STPG2: variants seen among roughly 807,000 people sequenced by gnomAD.
STPG2 encodes sperm tail PG-rich repeat containing 2.
STPG2 carries 56 observed loss-of-function variants against 54.2 expected under a neutral mutation model. That is an observed-to-expected ratio of 1.03 (90% CI 0.83 to 1.29). The LOEUF (loss-of-function observed/expected upper bound fraction) is 1.29, where lower values mean the gene tolerates loss of function less well. Ranked by LOEUF, STPG2 falls within the 50% of genes most tolerant of loss-of-function variation. The probability of loss-of-function intolerance (pLI) is 0.00; values close to 1 mark genes in which losing one functional copy is unlikely to be tolerated. For missense variants in STPG2, 596 were observed against 544.9 expected (o/e 1.09, Z -0.93); for synonymous variants, 200 against 181.8 (o/e 1.10, Z -0.81).
chr4:97,979,453 G>C (rs1007938597), intron 6 of STPG2, among the ~76,000 whole-genome samples: 4 of 152,116 alleles, frequency 2.6e-5, no homozygotes, highest in African/African-American at 4.8e-5. Context: ...TGTCTGATCT[G>C]ATTATCCTAT....
intron 5 of STPG2, among the ~76,000 whole-genome samples, chr4:98,046,591 G>C (rs1434434038): frequency 6.6e-6 from 1 of 152,108 alleles, no homozygotes; most frequent in Non-Finnish European, 1.5e-5. Context: ...AGCCCATTCA[G>C]TGCCCCTAGA....
intron 3 of STPG2, among the ~76,000 whole-genome samples, chr4:98,114,566 T>A (rs1387648616): frequency 6.6e-6 from 1 of 152,078 alleles, no homozygotes; most frequent in East Asian, 1.9e-4. Context: ...TTGTATTAAC[T>A]CTTTTAATGC....
chr4:97,539,613 T>A (rs560025080), intron 4 of STPG2, among the ~76,000 whole-genome samples: 1 of 152,302 alleles, frequency 6.6e-6, no homozygotes, highest in Admixed American at 6.5e-5. Context: ...AACACCCCAC[T>A]GTCAACATTA....
rs766811104 is a variant in STPG2, at chr4:97,712,683, G to A, written c.1320+16C>T. On this transcript the variant is annotated intron_variant, in intron 10 of 10. Coordinates refer to ENST00000295268, the MANE Select transcript of STPG2 (RefSeq NM_174952.3). ...TCTATTCTTGTGTCACTGTTAAGAA[G>A]GAAATATTGACAAACCTCATATGTT... The A allele has an allele frequency of 1.3e-6, 2 of 1,522,030 alleles. No individual in the cohort carries two copies. Among genetic ancestry groups the A allele is most frequent in the Non-Finnish European group, 1.8e-6 (2 of 1,123,078 alleles). The allele number at this position is 1,522,030 out of a possible 1,614,324, so 94.3% of individuals were successfully genotyped here. A position where few individuals can be genotyped will look rare whatever the true frequency, so the allele number is the denominator to read the frequency against.
chr4:98,133,790 G>T (rs900017146), intron 2 of STPG2, among the ~76,000 whole-genome samples: 1 of 152,042 alleles, frequency 6.6e-6, no homozygotes, highest in African/African-American at 2.4e-5. Context: ...GCTGGGATCA[G>T]CTAGGAGCCA....
intron 9 of STPG2, among the ~76,000 whole-genome samples, chr4:97,741,107 T>C (rs1245292465): frequency 6.6e-6 from 1 of 152,136 alleles, no homozygotes; most frequent in Non-Finnish European, 1.5e-5. Flanking sequence ...AAATATGCAA[T>C]AGGGAAAGGA....
chr4:97,895,476 A>C (rs11731605), intron 8 of STPG2, among the ~76,000 whole-genome samples: 6 of 151,880 alleles, frequency 4.0e-5, no homozygotes, highest in Non-Finnish European at 8.8e-5. Context: ...TTATAAAGTC[A>C]TAATTATTCC....
chr4:97,777,299 G>A (rs1726407898), intron 9 of STPG2, among the ~76,000 whole-genome samples: 1 of 151,732 alleles, frequency 6.6e-6, no homozygotes. Context: ...TTTCTCTGTC[G>A]ATTTTTAGCC....
chr4:97,674,859 G>A (rs1489292142), intron 10 of STPG2, among the ~76,000 whole-genome samples: 3 of 152,090 alleles, frequency 2.0e-5, no homozygotes, highest in East Asian at 1.9e-4. Context: ...TAGGGGAAAC[G>A]GTACTATAAA....
chr4:98,055,839 C>T (rs1183998185), intron 5 of STPG2, among the ~76,000 whole-genome samples: 2 of 152,134 alleles, frequency 1.3e-5, no homozygotes, highest in Non-Finnish European at 1.5e-5. Flanking sequence ...TCTCTCAGGG[C>T]CCAGCCTGGC....
In STPG2 at chr4:98,134,357, G is replaced by A. The variant is rs1168856993; in HGVS notation, c.212C>T (p.Ser71Leu). Residue 71 changes from serine to leucine, a missense_variant, in exon 2 of 11, where the codon TCA becomes TTA. By Grantham distance (145) the Ser-to-Leu change is moderately radical. Coordinates refer to ENST00000295268, the MANE Select transcript of STPG2 (RefSeq NM_174952.3). Reference sequence around the variant, plus strand: ...TAACTATAAAGTTACCTGTGCTTCTGAAACATTATAGTGTCCTGGACCTGG... The same window carrying A: ...TAACTATAAAGTTACCTGTGCTTCTAAAACATTATAGTGTCCTGGACCTGG... Reference protein sequence around the residue: ...AVPGPGHYNVSEAQKISRSPT... With the variant: ...AVPGPGHYNVLEAQKISRSPT... 18 of 1,541,984 alleles carry A rather than the reference G, an allele frequency of 1.2e-5. No homozygotes were observed. The highest frequency in any genetic ancestry group is 1.6e-5 in the Non-Finnish European group (18 of 1,140,778).
chr4:98,021,682 T>C (rs1018868084), intron 5 of STPG2, among the ~76,000 whole-genome samples: 94 of 152,104 alleles, frequency 6.2e-4, no homozygotes, highest in Non-Finnish European at 1.2e-3. Flanking sequence ...CAGGACTTGC[T>C]TTATGAATCT....
At chr4:98,020,659 TG>T (rs1333822459) in intron 5 of STPG2, among the ~76,000 whole-genome samples, 1 of 152,184 alleles carries the variant, frequency 6.6e-6, no homozygotes, top group Non-Finnish European at 1.5e-5. Context: ...GGACTCTTTT[TG>T]GTTGGTAAGC....
intron 3 of STPG2, among the ~76,000 whole-genome samples, chr4:98,113,013 GAA>G (rs3047514): frequency 0.47 from 57,042 of 121,874 alleles, 11,311 homozygotes; most frequent in Middle Eastern, 0.52. Context: ...AAGAAACTAT[GAA>G]AAAAAAAAAA....
chr4:97,969,655 C>T (rs182274817), intron 7 of STPG2, among the ~76,000 whole-genome samples: 9 of 152,260 alleles, frequency 5.9e-5, no homozygotes, highest in Non-Finnish European at 1.2e-4. Context: ...ATTGATGGCA[C>T]GTATCTCAAA....
At chr4:98,111,651 T>C (rs1448767474) in intron 3 of STPG2, among the ~76,000 whole-genome samples, 3 of 152,088 alleles carry the variant, frequency 2.0e-5, no homozygotes, top group African/African-American at 4.8e-5. Context: ...TGGTCAACTT[T>C]AGATGTCAAT....
chr4:97,742,558 TGTGTGTG>T, intron 9 of STPG2, among the ~76,000 whole-genome samples: 1 of 143,088 alleles, frequency 7.0e-6, no homozygotes, highest in South Asian at 2.2e-4. Flanking sequence ...TGTGTGTGTG[TGTGTGTG>T]TCTATATATA....
At chr4:97,606,637 A>C (rs1733600319) in intron 10 of STPG2, among the ~76,000 whole-genome samples, 1 of 151,954 alleles carries the variant, frequency 6.6e-6, no homozygotes, top group Non-Finnish European at 1.5e-5. Context: ...TGTGAAAGAT[A>C]TTCTTTAAAA....
intron 8 of STPG2, among the ~76,000 whole-genome samples, chr4:97,904,239 A>C (rs13140514): frequency 1.3e-5 from 2 of 151,904 alleles, no homozygotes; most frequent in Non-Finnish European, 2.9e-5. Context: ...CTCCCAGCAC[A>C]CAGCTGGAGA....
Sources: gnomAD v4.1 joint callset for allele counts (sites outside exome capture counted in the v4.1 genomes callset) on GRCh38, gnomAD v4.1.1 for gene constraint, MANE v1.5 for transcripts, NCBI Gene and HGNC (gene_info 2026-07-23, HGNC 2026-07-21) for gene names.